GPC5: variants seen among roughly 807,000 people sequenced by gnomAD.
The protein encoded by GPC5 is glypican 5.
A neutral mutation model predicts 53.9 loss-of-function variants in GPC5; 47 were observed. The observed-to-expected ratio is 0.87, with a 90% confidence interval of 0.69 to 1.11. The LOEUF is 1.11. GPC5 is among the 50% of genes most tolerant of loss of function. The pLI is 0.00. For synonymous variants in GPC5, 286 were observed against 263.3 expected, an observed-to-expected ratio of 1.09 and a Z score of -0.84; for missense variants, 748 against 713.1, an observed-to-expected ratio of 1.05 and a Z score of -0.56.
chr13:92,852,814 T>C (rs1318905811), intron 7 of GPC5, among the ~76,000 whole-genome samples: 1 of 152,156 alleles, frequency 6.6e-6, no homozygotes, highest in African/African-American at 2.4e-5. Flanking sequence ...GAAGCATATA[T>C]TGATATGAAG....
chr13:91,938,523 A>G (rs1469733084), intron 6 of GPC5, among the ~76,000 whole-genome samples: 1 of 152,122 alleles, frequency 6.6e-6, no homozygotes, highest in Non-Finnish European at 1.5e-5. Context: ...TATCACTAAG[A>G]TTGATTCCTT....
chr13:92,083,596 T>C (rs2041313561), intron 6 of GPC5, among the ~76,000 whole-genome samples: 1 of 152,210 alleles, frequency 6.6e-6, no homozygotes. Context: ...CCGTACATTA[T>C]ATTTTATGTT....
intron 7 of GPC5, among the ~76,000 whole-genome samples, chr13:92,621,391 T>G (rs11620192): frequency 4.6e-5 from 7 of 152,116 alleles, no homozygotes; most frequent in Non-Finnish European, 7.3e-5. Flanking sequence ...TCTCCAGTCA[T>G]CTCCTTGGGT....
At chr13:91,696,979 C>T (rs1301944957) in intron 3 of GPC5, among the ~76,000 whole-genome samples, 1 of 152,122 alleles carries the variant, frequency 6.6e-6, no homozygotes, top group Non-Finnish European at 1.5e-5. Flanking sequence ...TCTCTGTTTG[C>T]TTCAGTTTCC....
intron 7 of GPC5, among the ~76,000 whole-genome samples, chr13:92,840,437 G>A (rs1225274733): frequency 1.3e-5 from 2 of 151,816 alleles, no homozygotes; most frequent in Admixed American, 6.6e-5. Flanking sequence ...TTCATTTCTC[G>A]ACTCCCTAAA....
At chr13:91,685,777 T>G (rs2035608746) in intron 2 of GPC5, among the ~76,000 whole-genome samples, 1 of 152,096 alleles carries the variant, frequency 6.6e-6, no homozygotes, top group Admixed American at 6.5e-5. Flanking sequence ...TAAGAGGGAA[T>G]AGACAGTGTG....
At chr13:92,695,702 T>TG (rs1491231411) in intron 7 of GPC5, among the ~76,000 whole-genome samples, 1 of 125,106 alleles carries the variant, frequency 8.0e-6, no homozygotes, top group Non-Finnish European at 1.8e-5. Flanking sequence ...ATTTTATGAG[T>TG]TTTTTTTTTT....
chr13:92,026,617 C>A (rs964536824), intron 6 of GPC5, among the ~76,000 whole-genome samples: 1 of 151,790 alleles, frequency 6.6e-6, no homozygotes, highest in Non-Finnish European at 1.5e-5. Flanking sequence ...TATATTGATA[C>A]TTTATTTTTC....
At chr13:91,440,079 C>G (rs1219824604) in intron 1 of GPC5, among the ~76,000 whole-genome samples, 1 of 152,014 alleles carries the variant, frequency 6.6e-6, no homozygotes, top group Non-Finnish European at 1.5e-5. Context: ...TCTTTGCATT[C>G]ATTTGTCTTG....
At chr13:91,401,529 G>A (rs567130114) in intron 1 of GPC5, among the ~76,000 whole-genome samples, 2 of 152,154 alleles carry the variant, frequency 1.3e-5, no homozygotes, top group South Asian at 4.1e-4. Context: ...TATTCATTTA[G>A]CACATACCCT....
At chr13:92,207,547 C>G (rs771127665) in intron 7 of GPC5, among the ~76,000 whole-genome samples, 4 of 152,128 alleles carry the variant, frequency 2.6e-5, no homozygotes, top group Non-Finnish European at 5.9e-5. Context: ...CTCTACTTCT[C>G]CTGATCCTCC....
chr13:91,741,096 T>A (rs987141232), intron 4 of GPC5, among the ~76,000 whole-genome samples: 1 of 152,136 alleles, frequency 6.6e-6, no homozygotes, highest in Non-Finnish European at 1.5e-5. Context: ...ATAGGGAGTG[T>A]CCTAGGTGCT....
At chr13:91,823,321 A>G (rs904873718) in intron 5 of GPC5, among the ~76,000 whole-genome samples, 2 of 152,124 alleles carry the variant, frequency 1.3e-5, no homozygotes, top group African/African-American at 4.8e-5. Flanking sequence ...TTAGATGTTC[A>G]TTCACCACAG....
chr13:91,502,439 G>C (rs1884691314), intron 2 of GPC5, among the ~76,000 whole-genome samples: 2 of 152,110 alleles, frequency 1.3e-5, no homozygotes, highest in Non-Finnish European at 2.9e-5. Flanking sequence ...TAACTAGATA[G>C]CTTAAAAGGA....
chr13:91,927,873 C>CT (rs1457315337), intron 6 of GPC5, among the ~76,000 whole-genome samples: 2 of 152,058 alleles, frequency 1.3e-5, no homozygotes, highest in Non-Finnish European at 2.9e-5. Flanking sequence ...AAAATGGATT[C>CT]TTTGCTTATA....
intron 7 of GPC5, among the ~76,000 whole-genome samples, chr13:92,335,801 G>A (rs912323090): frequency 2.0e-5 from 3 of 152,090 alleles, no homozygotes; most frequent in Admixed American, 6.6e-5. Flanking sequence ...CATCTGAGAC[G>A]ACCTTAGCCT....
intron 7 of GPC5, among the ~76,000 whole-genome samples, chr13:92,303,164 G>A (rs1299109052): frequency 6.6e-6 from 1 of 151,972 alleles, no homozygotes; most frequent in Non-Finnish European, 1.5e-5. Flanking sequence ...GAGAGGGATG[G>A]GATAGAACAA....
chr13:92,290,242 G>C (rs1255488722), intron 7 of GPC5, among the ~76,000 whole-genome samples: 2 of 152,166 alleles, frequency 1.3e-5, no homozygotes, highest in African/African-American at 4.8e-5. Flanking sequence ...TTTGGCTATT[G>C]CTGTAAAAAT....
At chr13:92,147,571 A>G (rs1169362007) in intron 7 of GPC5, among the ~76,000 whole-genome samples, 1 of 152,126 alleles carries the variant, frequency 6.6e-6, no homozygotes, top group African/African-American at 2.4e-5. Context: ...TCACAAAACT[A>G]TACTTGACAA....
Sources: gnomAD v4.1 joint callset for allele counts (sites outside exome capture counted in the v4.1 genomes callset) on GRCh38, gnomAD v4.1.1 for gene constraint, MANE v1.5 for transcripts, NCBI Gene and HGNC (gene_info 2026-07-23, HGNC 2026-07-21) for gene names.